The following UBR1 variants were observed in gnomAD, a reference collection of about 807,000 sequenced individuals.
UBR1 encodes the protein E3 ubiquitin-protein ligase UBR1.
Under a neutral mutation model 242.1 loss-of-function variants are expected in UBR1, and 102 were observed. The ratio of observed to expected loss-of-function variants is 0.42; its 90% CI spans 0.36 to 0.50. The LOEUF (loss-of-function observed/expected upper bound fraction) is 0.50. Ranked by LOEUF, UBR1 falls within the 20% of genes least tolerant of loss-of-function variation. UBR1 has a pLI of 0.01. For missense variants in UBR1, 1,772 were observed against 2,101.8 expected (o/e 0.84, Z 3.07); for synonymous variants, 675 against 684.8 (o/e 0.99, Z 0.22).
At chr15:43,045,486 T>TCA (rs1225423060) in intron 14 of UBR1, among the ~76,000 whole-genome samples, 1 of 151,526 alleles carries the variant, frequency 6.6e-6, no homozygotes, top group East Asian at 1.9e-4. Flanking sequence ...ACACACACAC[T>TCA]CACACACACA....
Position 42,990,098 on chromosome 15 carries a change from G to T in UBR1, c.3780C>A (p.Phe1260Leu), listed in dbSNP as rs745702420. 4 of 1,600,686 alleles carry T rather than the reference G, an allele frequency of 2.5e-6. No individual in the cohort carries two copies. Among genetic ancestry groups the T allele is most frequent in the Non-Finnish European group, 2.6e-6 (3 of 1,171,840 alleles). ...TAGAATCTCCCATTCCTTGATTAAA[G>T]AAAATAGGAATTGGGTTTTCTCCTT... ...HAKGENPIPI[F>L]FNQGMGDSTL... Residue 1260 changes from phenylalanine to leucine, a missense_variant, in exon 34 of 47, where the codon TTC becomes TTA. Phe to Leu is a conservative substitution (Grantham distance 22). Around this residue, in one of 3 missense-constraint regions of UBR1, gnomAD observed 965 missense variants for 1,079.7 expected, o/e 0.89. Coordinates refer to ENST00000290650, the MANE Select transcript of UBR1 (RefSeq NM_174916.3).
At position 43,056,699 on chromosome 15, in the gene UBR1, AAAACAAAC is replaced by A. The variant is rs199934170; in HGVS notation, c.1183-265_1183-258del. 2.0e-5 allele frequency among the ~76,000 whole-genome samples: 3 copies of A among 152,186 alleles called. No individual in the cohort carries two copies. The South Asian group carries it at 6.2e-4, about 32-fold the overall frequency. On this transcript the variant is annotated intron_variant, in intron 10 of 46. Transcript: ENST00000290650. The stretch of plus-strand genomic sequence containing the variant: ...CTATTAAAATATACACATAGGTTAA[AAAACAAAC>A]AAACAAACAAACAAAAAACAGAGGA...
At chr15:43,063,093 T>G (rs1453746408) in intron 6 of UBR1, among the ~76,000 whole-genome samples, 4 of 152,212 alleles carry the variant, frequency 2.6e-5, no homozygotes, top group African/African-American at 9.6e-5. Flanking sequence ...ATGTCCTATT[T>G]TACCTTTTGA....
At chr15:43,092,408 G>C (rs2034115411) in intron 1 of UBR1, among the ~76,000 whole-genome samples, 1 of 152,184 alleles carries the variant, frequency 6.6e-6, no homozygotes, top group Non-Finnish European at 1.5e-5. Context: ...CCTGAGGAGA[G>C]GAACTTTGCT....
intron 11 of UBR1, among the ~76,000 whole-genome samples, chr15:43,055,642 C>T (rs983203995): frequency 2.6e-5 from 4 of 151,910 alleles, no homozygotes; most frequent in East Asian, 1.9e-4. Flanking sequence ...GGGCTGGGCG[C>T]GGTGGCTCAC....
intron 28 of UBR1, among the ~76,000 whole-genome samples, chr15:43,016,407 C>A (rs1007054072): frequency 7.2e-5 from 11 of 152,028 alleles, no homozygotes; most frequent in Non-Finnish European, 1.5e-4. Flanking sequence ...TCATCAAAAC[C>A]TGATTCACTA....
At chr15:42,957,106 A>G (rs901403143) in intron 44 of UBR1, among the ~76,000 whole-genome samples, 19 of 152,220 alleles carry the variant, frequency 1.2e-4, no homozygotes, top group Non-Finnish European at 2.6e-4. Flanking sequence ...GTAATAGTCA[A>G]AAGGGGGAAA....
Position 43,059,143 on chromosome 15 carries a change from G to T in UBR1, c.1035C>A (p.Asp345Glu), listed in dbSNP as rs2033652438. 3 of 1,614,136 alleles carry T rather than the reference G, an allele frequency of 1.9e-6. No homozygotes were observed. Among genetic ancestry groups the T allele is most frequent in the Non-Finnish European group, 2.5e-6 (3 of 1,180,024 alleles). Reference protein sequence around the residue: ...FCQACLREEPDSENPCLISRL... With the variant: ...FCQACLREEPESENPCLISRL... ...TGCTTATGAGACAGGGATTCTCCGA[G>T]TCAGGTTCTTCTCTAAGGCATGCTT... The change falls in exon 9 of 47, where the codon GAC (aspartate) becomes GAA (glutamate). Residue 345 changes from aspartate to glutamate, a missense_variant. Asp to Glu is a conservative substitution (Grantham distance 45). This residue lies in a region of UBR1 where 734 missense variants were observed against 893.3 expected (regional missense o/e 0.82). Transcript: ENST00000290650.
At chr15:43,060,933 C>T (rs1221781625) in intron 6 of UBR1, among the ~76,000 whole-genome samples, 1 of 118,124 alleles carries the variant, frequency 8.5e-6, no homozygotes, top group Non-Finnish European at 2.0e-5. Context: ...AGTAAGGTTG[C>T]CATTACAGAA....
chr15:43,092,324 CT>C (rs2034114617), intron 1 of UBR1, among the ~76,000 whole-genome samples: 1 of 152,170 alleles, frequency 6.6e-6, no homozygotes. Flanking sequence ...TCATTCTGTA[CT>C]TATACCACTG....
intron 15 of UBR1, among the ~76,000 whole-genome samples, chr15:43,039,093 A>C (rs1227009707): frequency 6.6e-6 from 1 of 151,912 alleles, no homozygotes; most frequent in East Asian, 1.9e-4. Context: ...TTTTTAACAA[A>C]AATTTTTATT....
chr15:43,102,310 G>A (rs1338769108), intron 1 of UBR1, among the ~76,000 whole-genome samples: 1 of 152,138 alleles, frequency 6.6e-6, no homozygotes, highest in African/African-American at 2.4e-5. Flanking sequence ...TATGGCTTGG[G>A]TTACAGCAGC....
intron 40 of UBR1, among the ~76,000 whole-genome samples, chr15:42,970,270 T>C (rs2032182149): frequency 6.6e-6 from 1 of 152,126 alleles, no homozygotes; most frequent in African/African-American, 2.4e-5. Flanking sequence ...ATAAATGGTG[T>C]TGGGAAAACT....
At chr15:42,981,880 T>C (rs1369339491) in intron 37 of UBR1, among the ~76,000 whole-genome samples, 1 of 152,210 alleles carries the variant, frequency 6.6e-6, no homozygotes, top group African/African-American at 2.4e-5. Context: ...CTGATAGCCC[T>C]AACATCTTAC....
intron 41 of UBR1, among the ~76,000 whole-genome samples, chr15:42,964,249 C>A (rs560522984): frequency 5.9e-5 from 9 of 152,102 alleles, no homozygotes; most frequent in African/African-American, 1.9e-4. Flanking sequence ...GCGGGCGGAT[C>A]ACCTGAGGTC....
intron 23 of UBR1, chr15:43,026,283 A>G (rs954197276): frequency 1.4e-4 from 44 of 322,042 alleles, no homozygotes; most frequent in Non-Finnish European, 2.3e-4. Context: ...CTAAAGAAAC[A>G]TGACAATCAA....
intron 45 of UBR1, 94 bp from the exon 46 acceptor site, chr15:42,950,457 A>C (rs138168829): frequency 9.8e-7 from 1 of 1,019,070 alleles, no homozygotes; most frequent in Admixed American, 1.8e-5. Flanking sequence ...GACGTGGCCA[A>C]TATCTGTTAG....
intron 19 of UBR1, among the ~76,000 whole-genome samples, chr15:43,033,356 CAA>C (rs1052587409): frequency 6.6e-6 from 1 of 152,022 alleles, no homozygotes; most frequent in Non-Finnish European, 1.5e-5. Context: ...ACTAAAAATA[CAA>C]AACTTAGCCA....
At chr15:42,972,324 G>C (rs183159153) in intron 39 of UBR1, among the ~76,000 whole-genome samples, 3 of 151,884 alleles carry the variant, frequency 2.0e-5, no homozygotes, top group Admixed American at 1.3e-4. Flanking sequence ...TAGGCATTTA[G>C]GTTTTGTCCA....
Sources: allele counts gnomAD v4.1 joint callset (sites outside exome capture counted in the v4.1 genomes callset), GRCh38; gene constraint gnomAD v4.1.1; regional missense constraint gnomAD v4.1.1; transcripts MANE v1.5; gene names NCBI Gene and HGNC (gene_info 2026-07-23, HGNC 2026-07-21).